MCTP1: variants seen among roughly 807,000 people sequenced by gnomAD.
The protein encoded by MCTP1 is multiple C2 and transmembrane domain-containing protein 1.
Under a neutral mutation model 120.6 loss-of-function variants are expected in MCTP1, and 69 were observed. That is an observed-to-expected ratio of 0.57 (90% confidence interval 0.47 to 0.70). MCTP1 has a LOEUF of 0.70. Ranked by LOEUF, MCTP1 falls within the 30% of genes least tolerant of loss-of-function variation. The probability of loss-of-function intolerance (pLI) is 0.00; values close to 1 mark genes in which losing one functional copy is unlikely to be tolerated. For synonymous variants in MCTP1, 529 were observed against 493.1 expected (o/e 1.07, Z -0.96); for missense variants, 1,203 against 1,248.8 (o/e 0.96, Z 0.55).
At chr5:95,264,525 T>C (rs1413777210) in intron 1 of MCTP1, among the ~76,000 whole-genome samples, 2 of 152,232 alleles carry the variant, frequency 1.3e-5, no homozygotes, top group African/African-American at 2.4e-5. Flanking sequence ...TCCCCACTGC[T>C]GCTTATTGAC....
intron 1 of MCTP1, among the ~76,000 whole-genome samples, chr5:95,063,988 T>C (rs563702872): frequency 1.1e-3 from 168 of 152,350 alleles, no homozygotes; most frequent in African/African-American, 3.9e-3. Flanking sequence ...CAAGGAACAC[T>C]GTGTGATGAC....
At chr5:94,946,156 C>A (rs997000614) in intron 3 of MCTP1, among the ~76,000 whole-genome samples, 1 of 152,196 alleles carries the variant, frequency 6.6e-6, no homozygotes, top group African/African-American at 2.4e-5. Context: ...ATTTCTGCCT[C>A]TCCAGTTCTC....
At chr5:95,147,027 A>G (rs1440170745) in intron 1 of MCTP1, among the ~76,000 whole-genome samples, 1 of 152,052 alleles carries the variant, frequency 6.6e-6, no homozygotes, top group African/African-American at 2.4e-5. Flanking sequence ...ATAGGTCAAA[A>G]AGAACTTGTT....
chr5:95,176,850 A>C (rs1173743323), intron 1 of MCTP1, among the ~76,000 whole-genome samples: 1 of 152,022 alleles, frequency 6.6e-6, no homozygotes, highest in Non-Finnish European at 1.5e-5. Context: ...AATATAAAAA[A>C]TAAAAATATA....
intron 1 of MCTP1, among the ~76,000 whole-genome samples, chr5:95,071,484 T>C (rs1752167563): frequency 6.6e-6 from 1 of 152,210 alleles, no homozygotes; most frequent in African/African-American, 2.4e-5. Context: ...CCTATAAATA[T>C]AAGTTAACTT....
intron 1 of MCTP1, among the ~76,000 whole-genome samples, chr5:95,078,348 T>C (rs1252269991): frequency 6.6e-6 from 1 of 152,032 alleles, no homozygotes; most frequent in Non-Finnish European, 1.5e-5. Context: ...GATAACTAAA[T>C]ATAGACTGAA....
At chr5:94,935,049 A>T (rs1271052484) in intron 5 of MCTP1, among the ~76,000 whole-genome samples, 3 of 151,978 alleles carry the variant, frequency 2.0e-5, no homozygotes, top group Non-Finnish European at 2.9e-5. Context: ...AACAGAAATG[A>T]CAATTGTGCC....
At chr5:95,024,239 G>C in intron 1 of MCTP1, 1 of 259,732 alleles carries the variant, frequency 3.9e-6, no homozygotes, top group Non-Finnish European at 7.8e-6. Flanking sequence ...CAGGTCTTAT[G>C]CTTAAGTCTT....
chr5:95,241,638 G>A (rs1035001161), intron 1 of MCTP1, among the ~76,000 whole-genome samples: 3 of 152,160 alleles, frequency 2.0e-5, no homozygotes, highest in African/African-American at 7.2e-5. Context: ...TTTGCTCAAA[G>A]TTCTCCCTCA....
intron 10 of MCTP1, among the ~76,000 whole-genome samples, chr5:94,908,518 G>T (rs767054095): frequency 5.3e-5 from 8 of 151,920 alleles, no homozygotes; most frequent in East Asian, 1.9e-4. Context: ...AGTGAGGAAA[G>T]AATTTTTTTT....
chr5:94,874,644 CT>C (rs1798442384), intron 12 of MCTP1, among the ~76,000 whole-genome samples: 1 of 152,036 alleles, frequency 6.6e-6, no homozygotes, highest in African/African-American at 2.4e-5. Context: ...TCTGTATTAT[CT>C]TTTTTTCCTC....
intron 10 of MCTP1, among the ~76,000 whole-genome samples, chr5:94,902,834 G>C (rs115580860): frequency 6.6e-6 from 1 of 152,060 alleles, no homozygotes; most frequent in South Asian, 2.1e-4. Flanking sequence ...GATTTACCTG[G>C]GTATACTTCT....
intron 17 of MCTP1, among the ~76,000 whole-genome samples, chr5:94,809,074 A>G (rs924149580): frequency 6.6e-6 from 1 of 152,058 alleles, no homozygotes; most frequent in South Asian, 2.1e-4. Context: ...AAGATGTGCT[A>G]CATACAAGCC....
chr5:94,980,731 G>T (rs1469738848), intron 2 of MCTP1: 1 of 151,898 alleles, frequency 6.6e-6, no homozygotes, highest in Non-Finnish European at 1.5e-5. Flanking sequence ...ACAATAAGCT[G>T]ATCTTCTTAT....
At chr5:94,720,609 G>C (rs182637169) in intron 19 of MCTP1, among the ~76,000 whole-genome samples, 88 of 152,226 alleles carry the variant, frequency 5.8e-4, no homozygotes, top group African/African-American at 1.4e-3. Context: ...GGGAAAAAAA[G>C]GATGAAGGAG....
intron 1 of MCTP1, among the ~76,000 whole-genome samples, chr5:95,079,308 A>G (rs12716470): frequency 0.23 from 35,553 of 151,992 alleles, 4,967 homozygotes; most frequent in East Asian, 0.4. Flanking sequence ...ATCTAGCATT[A>G]CAGTGTTTCC....
intron 17 of MCTP1, among the ~76,000 whole-genome samples, chr5:94,827,971 A>C (rs906348112): frequency 6.6e-6 from 1 of 151,608 alleles, no homozygotes; most frequent in Non-Finnish European, 1.5e-5. Context: ...CTATTCGTTA[A>C]ACTCATTTTC....
intron 9 of MCTP1, among the ~76,000 whole-genome samples, chr5:94,909,705 T>G (rs1807938258): frequency 1.3e-5 from 2 of 152,042 alleles, no homozygotes; most frequent in African/African-American, 4.8e-5. Flanking sequence ...ACTAGCAATA[T>G]TTTACATAAT....
At chr5:94,908,992 C>T (rs1043209734) in intron 10 of MCTP1, among the ~76,000 whole-genome samples, 1 of 152,010 alleles carries the variant, frequency 6.6e-6, no homozygotes, top group Admixed American at 6.6e-5. Context: ...ATTCCTCTTT[C>T]TCAACTCCCA....
Sources: allele counts gnomAD v4.1 joint callset (sites outside exome capture counted in the v4.1 genomes callset), GRCh38; gene constraint gnomAD v4.1.1; transcripts MANE v1.5; gene names NCBI Gene and HGNC (gene_info 2026-07-23, HGNC 2026-07-21).